Variants in STK36 observed in about 807,000 individuals in gnomAD.
STK36 encodes the protein serine/threonine kinase 36.
A neutral mutation model predicts 142.2 loss-of-function variants in STK36; 116 were observed. The ratio of observed to expected loss-of-function variants is 0.82; its 90% CI spans 0.70 to 0.95. The LOEUF (loss-of-function observed/expected upper bound fraction) is 0.95. STK36 is among the 40% of genes least tolerant of loss of function. STK36 has a pLI of 0.00. For synonymous variants in STK36, 619 were observed against 641.7 expected, an observed-to-expected ratio of 0.96 and a Z score of 0.53; for missense variants, 1,422 against 1,617.2, an observed-to-expected ratio of 0.88 and a Z score of 2.07.
chr2:218,677,728 A>ACT (rs1370693352), intron 6 of STK36, among the ~76,000 whole-genome samples: 1 of 152,160 alleles, frequency 6.6e-6, no homozygotes. Flanking sequence ...GGTGGTGCCT[A>ACT]CTCATTGTGA....
intron 6 of STK36, among the ~76,000 whole-genome samples, chr2:218,676,924 A>G (rs1404992023): frequency 6.6e-6 from 1 of 152,156 alleles, no homozygotes. Flanking sequence ...TGCTGGGATT[A>G]CAGGCATGAG....
rs376326897 is a variant in STK36, at chr2:218,699,376, G to A, written c.3804+28G>A. On this transcript the variant is annotated intron_variant, in intron 26 of 26. Coordinates refer to ENST00000295709, the MANE Select transcript of STK36 (RefSeq NM_015690.5). ...ATACCCTACAGCACTTATGAACCAT[G>A]ATGATCAGGGCCCCTATAGTTGACA... The A allele has an allele frequency of 1.3e-4, 211 of 1,600,042 alleles. No homozygotes were observed. In the African/African-American group the frequency reaches 2.5e-3, roughly 19 times the overall value.
intron 12 of STK36, among the ~76,000 whole-genome samples, 155 bp downstream of exon 12, chr2:218,689,031 T>C (rs1418460108): frequency 6.6e-6 from 1 of 152,222 alleles, no homozygotes; most frequent in South Asian, 2.1e-4. Flanking sequence ...CTCTAATGCC[T>C]TCTGGGGCCA....
intron 26 of STK36, among the ~76,000 whole-genome samples, chr2:218,700,782 T>A (rs60115510): frequency 2.0e-5 from 3 of 150,452 alleles, no homozygotes; most frequent in Non-Finnish European, 3.0e-5. Context: ...GAGACTGAGG[T>A]GGGCGGATCA....
At chr2:218,687,668 T>G (rs1940832549) in intron 11 of STK36, among the ~76,000 whole-genome samples, 1 of 152,234 alleles carries the variant, frequency 6.6e-6, no homozygotes, top group Admixed American at 6.5e-5. Context: ...GCACTACTCA[T>G]TAGCTGCGTG....
chr2:218,697,601 T>G lies in STK36; in HGVS notation c.2900T>G (p.Leu967Arg). The G allele has an allele frequency of 6.2e-7, 1 of 1,614,044 alleles. No individual in the cohort carries two copies. Among genetic ancestry groups the G allele is most frequent in the Non-Finnish European group, 8.5e-7 (1 of 1,180,016 alleles). ...CTTTGCCCCAGCTTCCTGAATCAAC[T>G]GCGCCAGGCGTGAGTTTGAGCTAGA... ...HLLCPSFLNQ[L>R]RQAPHGSEFL... Residue 967 changes from leucine to arginine, a missense_variant, in exon 24 of 27, where the codon CTG becomes CGG. Physicochemically the swap from Leu to Arg is moderately radical, Grantham distance 102 (BLOSUM62 -2). Coordinates refer to ENST00000295709, the MANE Select transcript of STK36 (RefSeq NM_015690.5).
rs768670339 is a variant in STK36 at position 218,679,617 on chromosome 2, C to A, written c.836C>A (p.Pro279Gln). 6.2e-7 allele frequency: 1 copy of A among 1,614,192 alleles called. No individual in the cohort carries two copies. Among genetic ancestry groups the A allele is most frequent in the Non-Finnish European group, 8.5e-7 (1 of 1,180,032 alleles). Residue 279 changes from proline (P) to glutamine (Q), a missense_variant, in exon 8 of 27, where the codon CCA (proline) becomes CAA (glutamine). By Grantham distance (76) the Pro-to-Gln change is moderately conservative. This residue lies in a region of STK36 where 460 missense variants were observed against 449.6 expected (regional missense o/e 1.02). Coordinates refer to ENST00000295709, the MANE Select transcript of STK36 (RefSeq NM_015690.5). ...ACCCCATTCACCAGCCGCCTACCCC[C>A]AGAACTTCAGGTCCTAAAGGACGAA... is the stretch of plus-strand genomic sequence containing the variant. ...LGTPFTSRLP[P>Q]ELQVLKDEQA...
At chr2:218,674,918 G>C (rs895716160) in intron 4 of STK36, among the ~76,000 whole-genome samples, 14 of 152,034 alleles carry the variant, frequency 9.2e-5, no homozygotes, top group African/African-American at 3.4e-4. Context: ...TGTTTTATCT[G>C]TCTTGTTTGT....
In STK36 at chr2:218,694,230, C is replaced by G; in HGVS notation, c.2337-34C>G. 5.0e-6 allele frequency: 8 copies of G among 1,584,316 alleles called. No homozygotes were observed. Among genetic ancestry groups the G allele is most frequent in the Non-Finnish European group, 6.9e-6 (8 of 1,152,944 alleles). On this transcript the variant is annotated intron_variant, in intron 19 of 26. Coordinates refer to ENST00000295709, the MANE Select transcript of STK36 (RefSeq NM_015690.5). The surrounding 1 kb of genome is among the most constrained non-coding windows in gnomAD (Gnocchi z 4.4). ...GGCCGCTTACCAACCTCCTTTAATA[C>G]TGCTGCATCCCTTGATGTATCTCTT...
intron 21 of STK36, among the ~76,000 whole-genome samples, chr2:218,695,670 A>G (rs908178942): frequency 6.8e-6 from 1 of 147,966 alleles, no homozygotes; most frequent in African/African-American, 2.5e-5. Context: ...AGTAGTTGGG[A>G]TTACAGGTAT....
chr2:218,676,398 G>A, intron 6 of STK36, 120 bp downstream of exon 6: 1 of 1,307,322 alleles, frequency 7.6e-7, no homozygotes, highest in African/African-American at 1.5e-5. Context: ...CTGAATTAAT[G>A]GCTGTGTTAT....
rs957693101 is a variant in STK36 at position 218,672,096 on chromosome 2, G to A, written c.-209G>A. ...AGACTCCGGGTCCTTAGCCGGGCCT[G>A]ATGGCCCTGAGGCAGTTCGGATGTG... On this transcript the variant is annotated 5_prime_UTR_variant, in exon 1 of 27. Transcript: ENST00000295709. 5.0e-6 allele frequency: 6 copies of A among 1,200,718 alleles called. No individual in the cohort carries two copies. The Admixed American group carries it at 5.8e-5, about 12-fold the overall frequency. 74.4% of individuals were successfully genotyped at this position (1,200,718 alleles called of 1,614,324 possible). A position where few individuals can be genotyped will look rare whatever the true frequency, so the allele number is the denominator to read the frequency against.
Position 218,697,090 on chromosome 2 carries a change from G to T in STK36, c.2638G>T (p.Val880Phe). Residue 880 changes from valine (V) to phenylalanine (F), a missense_variant, in exon 23 of 27, where the codon GTT (valine) becomes TTT (phenylalanine). This residue lies in a region of STK36 where 962 missense variants were observed against 1,167.5 expected (regional missense o/e 0.82). Coordinates refer to ENST00000295709, the MANE Select transcript of STK36 (RefSeq NM_015690.5). ...TATGTCCAGTTCAGAAATGTGGACC[G>T]TTTTGTGGCACCGCTTCTCCATGGT... is the stretch of plus-strand genomic sequence containing the variant. ...RDMSSSEMWT[V>F]LWHRFSMVLR... is the part of the protein sequence containing the mutation. The T allele has an allele frequency of 3.7e-6, 6 of 1,614,168 alleles. No homozygotes were observed. Among genetic ancestry groups the T allele is most frequent in the Non-Finnish European group, 5.1e-6 (6 of 1,180,034 alleles).
Position 218,690,521 on chromosome 2 carries a change from ACT to A in STK36, c.1733_1734del (p.Ser578Ter), listed in dbSNP as rs1178815016. 1 of 1,614,012 alleles carries A rather than the reference ACT, an allele frequency of 6.2e-7. No homozygotes were observed. The highest frequency in any genetic ancestry group is 8.5e-7 in the Non-Finnish European group (1 of 1,180,002). ...GGGAAACTGCTGGCCCAACCAGATG[ACT>A]CTGAGCAGACTTTGCGGAGGGACAG... is the stretch of plus-strand genomic sequence containing the variant. On this transcript the variant is annotated frameshift_variant, in exon 14 of 27. Coordinates refer to ENST00000295709, the MANE Select transcript of STK36 (RefSeq NM_015690.5). LOFTEE classifies it high-confidence loss of function.
At chr2:218,695,862 C>CTTTTT (rs34836020) in intron 21 of STK36, among the ~76,000 whole-genome samples, 9 of 100,034 alleles carry the variant, frequency 9.0e-5, no homozygotes, top group Non-Finnish European at 1.2e-4. Context: ...ATGTAGAATT[C>CTTTTT]TTTTTTTTTT....
intron 11 of STK36, among the ~76,000 whole-genome samples, chr2:218,686,282 G>A (rs1426735352): frequency 6.6e-6 from 1 of 151,804 alleles, no homozygotes; most frequent in Non-Finnish European, 1.5e-5. Flanking sequence ...TTTTGAGATG[G>A]GGTCTCACTC....
chr2:218,694,520 C>T lies in STK36; in HGVS notation c.2401-5C>T. The T allele has an allele frequency of 1.2e-6, 2 of 1,613,840 alleles. No homozygotes were observed. The highest frequency in any genetic ancestry group is 1.7e-6 in the Non-Finnish European group (2 of 1,179,688). On this transcript the variant is annotated splice_polypyrimidine_tract_variant and splice_region_variant and intron_variant, in intron 20 of 26. Transcript: ENST00000295709. This position sits in a 1 kb window ranked among gnomAD's most constrained non-coding sequence, Gnocchi z 4.4. Reference sequence around the variant, plus strand: ...ATTCTTTCTCCTCTTTTACCTCTCCCACAGAGTGCAGCAGCCTGTCTATTG... The same window carrying T: ...ATTCTTTCTCCTCTTTTACCTCTCCTACAGAGTGCAGCAGCCTGTCTATTG...
At chr2:218,685,346 C>A in intron 11 of STK36, 118 bp downstream of exon 11, 1 of 1,371,732 alleles carries the variant, frequency 7.3e-7, no homozygotes, top group South Asian at 1.4e-5. Context: ...TTCAGTCTAT[C>A]TGCTTAGTTT....
At chr2:218,679,363 C>A in intron 7 of STK36, 102 bp downstream of exon 7, 1 of 1,334,028 alleles carries the variant, frequency 7.5e-7, no homozygotes, top group Non-Finnish European at 1.1e-6. Flanking sequence ...TGTCGTCTTT[C>A]CTCCAGCAGC....
Sources: gnomAD v4.1 joint callset for allele counts (sites outside exome capture counted in the v4.1 genomes callset) on GRCh38, gnomAD v4.1.1 for gene constraint, gnomAD v4.1.1 regional missense constraint, Gnocchi (gnomAD v3.1) non-coding constraint, MANE v1.5 for transcripts, NCBI Gene and HGNC (gene_info 2026-07-23, HGNC 2026-07-21) for gene names.